The following PCDHGA3 variants were observed in gnomAD, a reference collection of about 807,000 sequenced individuals.
The protein encoded by PCDHGA3 is protocadherin gamma subfamily A, 3.
Under a neutral mutation model 58.5 loss-of-function variants are expected in PCDHGA3, and 40 were observed. The ratio of observed to expected loss-of-function variants is 0.68; its 90% CI spans 0.53 to 0.89. The LOEUF is 0.89. PCDHGA3 is among the 40% of genes least tolerant of loss of function. The pLI is 0.00. For missense variants in PCDHGA3, 1,223 were observed against 1,195.9 expected (o/e 1.02, Z -0.33); for synonymous variants, 530 against 525.7 (o/e 1.01, Z -0.11).
intron 1 of PCDHGA3, chr5:141,356,496 G>A (rs1760240782): frequency 6.2e-7 from 1 of 1,613,960 alleles, no homozygotes; most frequent in Non-Finnish European, 8.5e-7. Context: ...CTCCTCCACT[G>A]TCTACAGAAA....
Position 141,489,079 on chromosome 5 carries a change from C to CCCCA in PCDHGA3, c.2425-5727_2425-5726insCCAC. ...CTCCCCTCCCCCCTGCCCACCCCCGCCACTCGGTGACTAAGAACTGCTGCA... is the reference window on the plus strand; with the variant it reads ...CTCCCCTCCCCCCTGCCCACCCCCGCCCCACACTCGGTGACTAAGAACTGCTGCA... On this transcript the variant is annotated intron_variant, in intron 1 of 3. Transcript: ENST00000253812. This position sits in a 1 kb window ranked among gnomAD's most constrained non-coding sequence, Gnocchi z 4.5. The CCCCA allele has an allele frequency of 9.1e-6, 3 of 329,992 alleles. No homozygotes were observed. Among genetic ancestry groups the CCCCA allele is most frequent in the African/African-American group, 2.4e-5 (1 of 41,312 alleles). The allele number at this position is 329,992 out of a possible 1,614,324, so 20.4% of individuals were successfully genotyped here.
chr5:141,364,317 G>A (rs1467973358), intron 1 of PCDHGA3: 2 of 1,524,768 alleles, frequency 1.3e-6, no homozygotes, highest in Non-Finnish European at 8.8e-7. Context: ...AGAAAATTGG[G>A]CAGAGAGAAG....
intron 1 of PCDHGA3, among the ~76,000 whole-genome samples, chr5:141,439,270 A>G (rs1381185021): frequency 6.6e-6 from 1 of 152,140 alleles, no homozygotes; most frequent in African/African-American, 2.4e-5. Flanking sequence ...CCAACAGTTC[A>G]TTCTGAGACT....
intron 1 of PCDHGA3, chr5:141,370,329 A>G: frequency 9.9e-6 from 14 of 1,407,454 alleles, no homozygotes; most frequent in Non-Finnish European, 1.2e-5. Context: ...CTGCTCGGAG[A>G]ACTCTTGGGA....
intron 1 of PCDHGA3, chr5:141,366,074 G>T (rs1167288837): frequency 2.5e-6 from 4 of 1,614,100 alleles, no homozygotes; most frequent in African/African-American, 1.3e-5. Flanking sequence ...GCCTCGCTCC[G>T]CAGAACCTGG....
rs775037681 is a variant in PCDHGA3 at position 141,388,812 on chromosome 5, G to T, written c.2424+42355G>T. On this transcript the variant is annotated intron_variant, in intron 1 of 3. Transcript: ENST00000253812. Reference sequence around the variant, plus strand: ...TTTAAATACATTAGATTTTGAAGAAGTCAAAGAATATTCCATAGTTTTGGA... The same window carrying T: ...TTTAAATACATTAGATTTTGAAGAATTCAAAGAATATTCCATAGTTTTGGA... 2.1e-5 allele frequency: 34 copies of T among 1,613,816 alleles called. No homozygotes were observed. Among genetic ancestry groups the T allele is most frequent in the Non-Finnish European group, 2.8e-5 (33 of 1,179,866 alleles).
chr5:141,486,271 C>T lies in PCDHGA3; in HGVS notation c.2425-8536C>T. 1 of 1,614,086 alleles carries T rather than the reference C, an allele frequency of 6.2e-7. No homozygotes were observed. Among genetic ancestry groups the T allele is most frequent in the Non-Finnish European group, 8.5e-7 (1 of 1,179,994 alleles). ...CCCTCCCCGAGAGTGCAGAACCTGG[C>T]ACTGTGGTGGCACTTATCAGTGTGC... On this transcript the variant is annotated intron_variant, in intron 1 of 3. Coordinates refer to ENST00000253812, the MANE Select transcript of PCDHGA3 (RefSeq NM_018916.4). The surrounding 1 kb of genome is among the most constrained non-coding windows in gnomAD (Gnocchi z 5.0).
At chr5:141,433,605 G>C (rs1411907056) in intron 1 of PCDHGA3, among the ~76,000 whole-genome samples, 1 of 152,114 alleles carries the variant, frequency 6.6e-6, no homozygotes. Context: ...GGAGGCCGAG[G>C]CGGGTGGATC....
intron 1 of PCDHGA3, chr5:141,385,966 G>T (rs968695297): frequency 6.6e-6 from 1 of 152,176 alleles, no homozygotes. Context: ...AAGGCCATCG[G>T]ACAAAACCAA....
chr5:141,372,067 A>C, intron 1 of PCDHGA3: 1 of 1,613,568 alleles, frequency 6.2e-7, no homozygotes, highest in Non-Finnish European at 8.5e-7. Context: ...CGCAACGACA[A>C]TGCACCGCTG....
intron 1 of PCDHGA3, among the ~76,000 whole-genome samples, chr5:141,380,667 T>G (rs552117625): frequency 1.1e-4 from 16 of 152,362 alleles, no homozygotes; most frequent in African/African-American, 3.6e-4. Flanking sequence ...ATTTACTCCA[T>G]AGGGTATGTA....
At chr5:141,350,791 G>A (rs1758561516) in intron 1 of PCDHGA3, 4 of 1,613,970 alleles carry the variant, frequency 2.5e-6, no homozygotes, top group Non-Finnish European at 3.4e-6. Flanking sequence ...ACTTCTCTCT[G>A]TCAACGAAGG....
At chr5:141,414,491 A>T in intron 1 of PCDHGA3, 1 of 1,613,962 alleles carries the variant, frequency 6.2e-7, no homozygotes, top group Non-Finnish European at 8.5e-7. Flanking sequence ...CTATCAACGG[A>T]AGCTCACTTT....
intron 1 of PCDHGA3, chr5:141,367,050 A>C (rs1056212964): frequency 1.2e-5 from 4 of 330,762 alleles, no homozygotes; most frequent in African/African-American, 2.2e-5. Context: ...TTAATAGAAA[A>C]GATGTTTTAT....
At position 141,486,694 on chromosome 5, in the gene PCDHGA3, C is replaced by T. The variant is rs1275794121; in HGVS notation, c.2425-8113C>T. ...ATCGAGATGTATCAGCTTCCTCTTTCATCTCTCTGAACCCCCAGACAGGAG... is the reference window on the plus strand; with the variant it reads ...ATCGAGATGTATCAGCTTCCTCTTTTATCTCTCTGAACCCCCAGACAGGAG... On this transcript the variant is annotated intron_variant, in intron 1 of 3. Transcript: ENST00000253812. This position sits in a 1 kb window ranked among gnomAD's most constrained non-coding sequence, Gnocchi z 5.0. 1.2e-6 allele frequency: 2 copies of T among 1,614,168 alleles called. No individual in the cohort carries two copies. Among genetic ancestry groups the T allele is most frequent in the Non-Finnish European group, 1.7e-6 (2 of 1,180,044 alleles).
intron 1 of PCDHGA3, chr5:141,394,906 C>T (rs2150590922): frequency 6.2e-7 from 1 of 1,613,754 alleles, no homozygotes; most frequent in Admixed American, 1.7e-5. Flanking sequence ...GTGGCAGTGG[C>T]TGCCATCTCC....
chr5:141,502,862 C>T (rs2099816351), intron 2 of PCDHGA3, among the ~76,000 whole-genome samples: 1 of 68,558 alleles, frequency 1.5e-5, no homozygotes, highest in African/African-American at 1.0e-4. Context: ...CCCTGACTCT[C>T]TGTCTTTTTT....
chr5:141,466,085 G>T (rs1028177123), intron 1 of PCDHGA3, among the ~76,000 whole-genome samples: 2 of 151,984 alleles, frequency 1.3e-5, no homozygotes, highest in African/African-American at 4.8e-5. Flanking sequence ...TCATGCCACT[G>T]CACTCCAGCC....
At chr5:141,408,248 G>A in intron 1 of PCDHGA3, 1 of 1,593,412 alleles carries the variant, frequency 6.3e-7, no homozygotes, top group East Asian at 2.3e-5. Context: ...CCCGCGGCAG[G>A]TGCTATTTCC....
Sources: allele counts gnomAD v4.1 joint callset (sites outside exome capture counted in the v4.1 genomes callset), GRCh38; gene constraint gnomAD v4.1.1; non-coding constraint Gnocchi (gnomAD v3.1); transcripts MANE v1.5; gene names NCBI Gene and HGNC (gene_info 2026-07-23, HGNC 2026-07-21).